The following RBFOX1 variants were observed in gnomAD, a reference collection of about 807,000 sequenced individuals.
The protein encoded by RBFOX1 is RNA binding fox-1 homolog 1.
A neutral mutation model predicts 57.7 loss-of-function variants in RBFOX1; 8 were observed. The observed-to-expected ratio is 0.14, with a 90% CI of 0.08 to 0.25. RBFOX1 has a LOEUF of 0.25. Among genes scored for constraint, RBFOX1 ranks in the 10% least tolerant of loss-of-function variants. The probability of loss-of-function intolerance (pLI) is 1.00; values close to 1 mark genes in which losing one functional copy is unlikely to be tolerated. For missense variants in RBFOX1, 611 were observed against 548.5 expected (o/e 1.11, Z -1.14); for synonymous variants, 326 against 222.4 (o/e 1.47, Z -4.15).
At chr16:6,519,676 G>C (rs2096462110) in intron 2 of RBFOX1, among the ~76,000 whole-genome samples, 2 of 152,118 alleles carry the variant, frequency 1.3e-5, no homozygotes, top group South Asian at 4.2e-4. Context: ...ACTGCAGTCT[G>C]GGTGACAAGA....
At chr16:6,788,901 A>G (rs980497920) in intron 3 of RBFOX1, among the ~76,000 whole-genome samples, 3 of 152,074 alleles carry the variant, frequency 2.0e-5, no homozygotes, top group African/African-American at 4.8e-5. Flanking sequence ...TCTCTGCTCT[A>G]AGAACTCAGC....
intron 1 of RBFOX1, among the ~76,000 whole-genome samples, chr16:5,338,703 G>C (rs1194915912): frequency 5.3e-5 from 8 of 152,170 alleles, no homozygotes; most frequent in Non-Finnish European, 8.8e-5. Context: ...CTATCACCCA[G>C]GCTGGAGTGT....
At chr16:5,954,712 G>A (rs997477519) in intron 4 of RBFOX1, among the ~76,000 whole-genome samples, 1 of 152,094 alleles carries the variant, frequency 6.6e-6, no homozygotes, top group African/African-American at 2.4e-5. Flanking sequence ...TGTGCGCCGT[G>A]AGCTATTATT....
intron 3 of RBFOX1, among the ~76,000 whole-genome samples, chr16:6,862,486 A>T (rs2059190557): frequency 1.3e-5 from 2 of 152,230 alleles, no homozygotes; most frequent in Non-Finnish European, 2.9e-5. Context: ...ACCTAGGAAA[A>T]GGAGCAAACA....
chr16:6,805,074 A>G (rs151282923), intron 3 of RBFOX1, among the ~76,000 whole-genome samples: 1 of 152,178 alleles, frequency 6.6e-6, no homozygotes, highest in African/African-American at 2.4e-5. Context: ...TTATTCTACC[A>G]TAAAGACCCA....
At chr16:7,404,805 C>G (rs2098309766) in intron 4 of RBFOX1, among the ~76,000 whole-genome samples, 1 of 152,200 alleles carries the variant, frequency 6.6e-6, no homozygotes, top group African/African-American at 2.4e-5. Context: ...GGTTATCATT[C>G]CCTTTTCACT....
downstream of RBFOX1, among the ~76,000 whole-genome samples, chr16:5,602,394 G>T (rs558119130): frequency 1.3e-5 from 2 of 152,308 alleles, no homozygotes; most frequent in East Asian, 3.9e-4. Context: ...TTTTTAAAAA[G>T]ATGTACCCTC....
At position 7,431,486 on chromosome 16, in the gene RBFOX1, C is replaced by T. The variant is rs549950009; in HGVS notation, c.28-86661C>T. Among the ~76,000 whole-genome samples, 17 of 152,264 alleles carry T rather than the reference C, an allele frequency of 1.1e-4. No individual in the cohort carries two copies. In the South Asian group the frequency reaches 3.3e-3, roughly 30 times the overall value. On this transcript the variant is annotated intron_variant, in intron 4 of 15. Transcript: ENST00000550418. ...AAGCTCCTGAACTCAAGTGATCCTT[C>T]CACTTTGGCCTCCCAAAGTGTGGGA...
At chr16:7,574,450 A>T (rs778222179) in intron 5 of RBFOX1, among the ~76,000 whole-genome samples, 1 of 152,166 alleles carries the variant, frequency 6.6e-6, no homozygotes, top group African/African-American at 2.4e-5. Flanking sequence ...TGGGTCCCAA[A>T]ACCTCAAAAG....
At chr16:6,212,495 CAGG>C (rs2097304900) in intron 1 of RBFOX1, among the ~76,000 whole-genome samples, 1 of 152,106 alleles carries the variant, frequency 6.6e-6, no homozygotes, top group Non-Finnish European at 1.5e-5. Context: ...CACTTGAGGT[CAGG>C]AGATCAAGAC....
intron 2 of RBFOX1, among the ~76,000 whole-genome samples, chr16:6,332,861 T>G (rs1191975597): frequency 1.3e-5 from 2 of 152,194 alleles, no homozygotes; most frequent in South Asian, 4.1e-4. Flanking sequence ...AATCCTTCAT[T>G]GATGATGCCC....
intron 4 of RBFOX1, among the ~76,000 whole-genome samples, chr16:5,976,845 G>T (rs1262541992): frequency 6.6e-6 from 1 of 152,152 alleles, no homozygotes; most frequent in Non-Finnish European, 1.5e-5. Flanking sequence ...CTTCAGCCTG[G>T]GCAGCAGAGC....
intron 1 of RBFOX1, among the ~76,000 whole-genome samples, chr16:6,284,439 G>A (rs1310423439): frequency 6.6e-6 from 1 of 152,152 alleles, no homozygotes; most frequent in Non-Finnish European, 1.5e-5. Context: ...AATGGAAGAT[G>A]TCATTCACAA....
At chr16:6,443,735 C>A (rs2534770) in intron 2 of RBFOX1, among the ~76,000 whole-genome samples, 21,392 of 152,076 alleles carry the variant, frequency 0.14, 4,570 homozygotes, top group African/African-American at 0.46. Flanking sequence ...GTTCATCCAG[C>A]CATCTTTCCA....
intron 2 of RBFOX1, among the ~76,000 whole-genome samples, chr16:6,475,177 T>C (rs2095253711): frequency 6.6e-6 from 1 of 152,196 alleles, no homozygotes; most frequent in African/African-American, 2.4e-5. Context: ...CTGGTGCTTT[T>C]TGAAATTTCC....
intron 14 of RBFOX1, among the ~76,000 whole-genome samples, chr16:7,686,472 G>C (rs542155698): frequency 4.2e-4 from 64 of 152,128 alleles, no homozygotes; most frequent in Admixed American, 8.5e-4. Flanking sequence ...TATAAACCCA[G>C]CCTTCGAACT....
chr16:6,629,889 C>A (rs2098361272), intron 2 of RBFOX1, among the ~76,000 whole-genome samples: 1 of 150,432 alleles, frequency 6.6e-6, no homozygotes, highest in Non-Finnish European at 1.5e-5. Context: ...TTATGAAGGA[C>A]CTGGACTAAC....
intron 4 of RBFOX1, among the ~76,000 whole-genome samples, chr16:7,504,741 A>ATATATATATTTATATATATATT (rs2072389176): frequency 1.9e-4 from 2 of 10,276 alleles, no homozygotes; most frequent in African/African-American, 2.9e-4. Context: ...ATATATATAT[A>ATATATATATTTATATATATATT]TATATATATA....
chr16:6,161,862 A>G (rs149868364), intron 1 of RBFOX1, among the ~76,000 whole-genome samples: 2 of 152,362 alleles, frequency 1.3e-5, no homozygotes, highest in East Asian at 3.9e-4. Context: ...CACTGGGAAC[A>G]AACTTTGAGT....
Sources: gnomAD v4.1 joint callset for allele counts (sites outside exome capture counted in the v4.1 genomes callset) on GRCh38, gnomAD v4.1.1 for gene constraint, MANE v1.5 for transcripts, NCBI Gene and HGNC (gene_info 2026-07-23, HGNC 2026-07-21) for gene names.